Variants in ADAMTS3 observed in about 807,000 individuals in gnomAD.
ADAMTS3 encodes ADAM metallopeptidase with thrombospondin type 1 motif 3.
In ADAMTS3, 73 loss-of-function variants were observed where a neutral mutation model predicts 129.0. That is an observed-to-expected ratio of 0.57 (90% CI 0.47 to 0.69). ADAMTS3 has a LOEUF of 0.69. Ranked by LOEUF, ADAMTS3 falls within the 30% of genes least tolerant of loss-of-function variation. The probability of loss-of-function intolerance (pLI) is 0.00; values close to 1 mark genes in which losing one functional copy is unlikely to be tolerated. For missense variants in ADAMTS3, 1,457 were observed against 1,514.5 expected (o/e 0.96, Z 0.63); for synonymous variants, 477 against 510.8 (o/e 0.93, Z 0.89).
intron 2 of ADAMTS3, 48 bp downstream of exon 2, chr4:72,567,326 C>T: frequency 1.3e-6 from 2 of 1,589,572 alleles, no homozygotes; most frequent in South Asian, 1.1e-5. Flanking sequence ...CACTTCATTC[C>T]CTTACTTTCA....
chr4:72,552,727 G>T (rs1217613183), intron 2 of ADAMTS3, among the ~76,000 whole-genome samples: 1 of 152,130 alleles, frequency 6.6e-6, no homozygotes, highest in Non-Finnish European at 1.5e-5. Context: ...CTCTGCCAAA[G>T]GATCTTTCTC....
chr4:72,333,667 C>T (rs1719908400), intron 5 of ADAMTS3, among the ~76,000 whole-genome samples: 1 of 152,082 alleles, frequency 6.6e-6, no homozygotes, highest in African/African-American at 2.4e-5. Context: ...TTGCCTTCTT[C>T]TCCTAGCTCT....
intron 4 of ADAMTS3, among the ~76,000 whole-genome samples, chr4:72,351,153 A>G (rs915302485): frequency 5.3e-5 from 8 of 152,162 alleles, no homozygotes; most frequent in Middle Eastern, 3.4e-3. Context: ...AACGTCTTGC[A>G]GACTGTTGTT....
intron 4 of ADAMTS3, among the ~76,000 whole-genome samples, chr4:72,394,345 A>T (rs1721673293): frequency 6.6e-6 from 1 of 152,306 alleles, no homozygotes; most frequent in Admixed American, 6.5e-5. Context: ...AATCTTCTAC[A>T]AGTCCAGTCA....
intron 4 of ADAMTS3, among the ~76,000 whole-genome samples, chr4:72,354,093 G>C (rs948523813): frequency 2.6e-5 from 4 of 151,996 alleles, no homozygotes; most frequent in African/African-American, 9.7e-5. Flanking sequence ...TTATTCACTG[G>C]ACAAACATTT....
chr4:72,333,907 T>C (rs1719918788), intron 5 of ADAMTS3, among the ~76,000 whole-genome samples: 1 of 131,652 alleles, frequency 7.6e-6, no homozygotes, highest in Admixed American at 9.3e-5. Flanking sequence ...TGGAGTGCAG[T>C]GGCGCGATCT....
At chr4:72,452,442 A>G (rs1718431385) in intron 3 of ADAMTS3, among the ~76,000 whole-genome samples, 1 of 151,728 alleles carries the variant, frequency 6.6e-6, no homozygotes, top group Admixed American at 6.6e-5. Flanking sequence ...AAAAAGTACA[A>G]GCCAGAACTC....
intron 3 of ADAMTS3, among the ~76,000 whole-genome samples, chr4:72,481,771 T>G (rs1289209220): frequency 6.6e-6 from 1 of 151,934 alleles, no homozygotes; most frequent in Non-Finnish European, 1.5e-5. Flanking sequence ...TATTTGCAAA[T>G]GACATATCTG....
intron 2 of ADAMTS3, among the ~76,000 whole-genome samples, chr4:72,549,158 G>T (rs968573904): frequency 6.6e-6 from 1 of 152,042 alleles, no homozygotes; most frequent in Non-Finnish European, 1.5e-5. Flanking sequence ...TTGCAAACAC[G>T]AATATAATGT....
At chr4:72,320,642 G>A (rs1219858567) in intron 7 of ADAMTS3, 72 bp downstream of exon 7, 7 of 1,492,782 alleles carry the variant, frequency 4.7e-6, no homozygotes, top group Non-Finnish European at 6.4e-6. Context: ...CATTTGAACA[G>A]ACTGCCTGAT....
intron 4 of ADAMTS3, among the ~76,000 whole-genome samples, chr4:72,381,729 T>G (rs1265845262): frequency 6.6e-6 from 1 of 151,984 alleles, no homozygotes; most frequent in African/African-American, 2.4e-5. Flanking sequence ...TGAAGACTAG[T>G]CCAGAAGGTG....
chr4:72,299,621 G>A (rs1297607973), intron 17 of ADAMTS3, among the ~76,000 whole-genome samples: 1 of 151,946 alleles, frequency 6.6e-6, no homozygotes, highest in Non-Finnish European at 1.5e-5. Flanking sequence ...TAATGAGAGT[G>A]TATGAAAGTG....
intron 3 of ADAMTS3, among the ~76,000 whole-genome samples, chr4:72,423,417 G>A (rs1045833459): frequency 1.1e-4 from 16 of 151,952 alleles, no homozygotes; most frequent in African/African-American, 3.6e-4. Flanking sequence ...ATTTTAGTTC[G>A]CTAAGGTTCT....
chr4:72,430,090 C>T (rs1722660977), intron 3 of ADAMTS3, among the ~76,000 whole-genome samples: 1 of 152,034 alleles, frequency 6.6e-6, no homozygotes, highest in African/African-American at 2.4e-5. Flanking sequence ...AATTAGGTCA[C>T]TGTGGCAAAT....
chr4:72,285,670 G>C (rs1162704579), intron 21 of ADAMTS3, among the ~76,000 whole-genome samples: 1 of 151,486 alleles, frequency 6.6e-6, no homozygotes, highest in East Asian at 1.9e-4. Context: ...CTTTTGTGTG[G>C]AGGAGCAAAA....
chr4:72,362,668 TTC>T (rs1720760159), intron 4 of ADAMTS3, among the ~76,000 whole-genome samples: 1 of 152,270 alleles, frequency 6.6e-6, no homozygotes, highest in African/African-American at 2.4e-5. Flanking sequence ...CTTTGGTTCC[TTC>T]TAACATTTCT....
At chr4:72,463,432 C>T (rs529711912) in intron 3 of ADAMTS3, among the ~76,000 whole-genome samples, 1 of 152,060 alleles carries the variant, frequency 6.6e-6, no homozygotes, top group South Asian at 2.1e-4. Flanking sequence ...TTGTGCAAAG[C>T]AGAAGCATAC....
At chr4:72,394,147 A>C (rs1331552413) in intron 4 of ADAMTS3, among the ~76,000 whole-genome samples, 1 of 152,120 alleles carries the variant, frequency 6.6e-6, no homozygotes, top group East Asian at 1.9e-4. Flanking sequence ...TGAAAGCCCC[A>C]AAAAACCCAC....
At chr4:72,335,881 T>C (rs953827778) in intron 5 of ADAMTS3, among the ~76,000 whole-genome samples, 3 of 152,196 alleles carry the variant, frequency 2.0e-5, no homozygotes, top group Non-Finnish European at 2.9e-5. Context: ...GATCTACCTC[T>C]ACATTATTTA....
Sources: gnomAD v4.1 joint callset for allele counts (sites outside exome capture counted in the v4.1 genomes callset) on GRCh38, gnomAD v4.1.1 for gene constraint, MANE v1.5 for transcripts, NCBI Gene and HGNC (gene_info 2026-07-23, HGNC 2026-07-21) for gene names.